Variants in DPF3 observed in about 807,000 individuals in gnomAD.
The protein encoded by DPF3 is double PHD fingers 3.
Under a neutral mutation model 56.8 loss-of-function variants are expected in DPF3, and 18 were observed. The observed-to-expected ratio is 0.32, with a 90% CI of 0.22 to 0.47. DPF3 has a LOEUF of 0.47. DPF3 is among the 20% of genes least tolerant of loss of function. The probability of loss-of-function intolerance (pLI) is 1.00; values close to 1 mark genes in which losing one functional copy is unlikely to be tolerated. For synonymous variants in DPF3, 188 were observed against 180.2 expected (o/e 1.04, Z -0.35); for missense variants, 403 against 488.8 (o/e 0.82, Z 1.65).
intron 7 of DPF3, among the ~76,000 whole-genome samples, chr14:72,690,145 C>T (rs1391892796): frequency 6.6e-6 from 1 of 152,136 alleles, no homozygotes; most frequent in Non-Finnish European, 1.5e-5. Flanking sequence ...GAGAACAAGC[C>T]ACCCATGAAA....
chr14:72,709,452 C>T (rs1332945548), intron 6 of DPF3, among the ~76,000 whole-genome samples: 1 of 152,166 alleles, frequency 6.6e-6, no homozygotes, highest in Non-Finnish European at 1.5e-5. Context: ...CATCCTACTT[C>T]AATTGTAACT....
intron 8 of DPF3, among the ~76,000 whole-genome samples, chr14:72,632,831 G>A (rs1885247203): frequency 8.1e-6 from 1 of 123,854 alleles, no homozygotes; most frequent in African/African-American, 3.0e-5. Flanking sequence ...GGAAGGGGAG[G>A]GGAAAGGGAG....
chr14:72,874,724 C>T (rs1486993357), intron 1 of DPF3, among the ~76,000 whole-genome samples: 1 of 152,192 alleles, frequency 6.6e-6, no homozygotes, highest in African/African-American at 2.4e-5. Flanking sequence ...TTGGGCAAAG[C>T]CATTCAACAA....
intron 2 of DPF3, 112 bp downstream of exon 2, chr14:72,771,621 T>C: frequency 1.5e-6 from 2 of 1,356,208 alleles, no homozygotes; most frequent in South Asian, 3.1e-5. Context: ...ATGTGCAGCT[T>C]GCCCCACCCC....
chr14:72,688,194 GT>G (rs1887502816), intron 7 of DPF3, among the ~76,000 whole-genome samples: 1 of 104,656 alleles, frequency 9.6e-6, no homozygotes, highest in Non-Finnish European at 1.9e-5. Context: ...GGATGGATGG[GT>G]GGGTGGGTGG....
At chr14:72,873,328 A>G (rs1599514806) in intron 1 of DPF3, among the ~76,000 whole-genome samples, 1 of 152,386 alleles carries the variant, frequency 6.6e-6, no homozygotes, top group South Asian at 2.1e-4. Flanking sequence ...AACAATGCTC[A>G]TCATCACTGG....
At chr14:72,785,282 ATGTATTATCCCCATACAACTTGTAAT>A (rs887836035) in intron 1 of DPF3, among the ~76,000 whole-genome samples, 44 of 152,338 alleles carry the variant, frequency 2.9e-4, no homozygotes, top group Non-Finnish European at 3.5e-4. Flanking sequence ...AGCACTTTAC[ATGTATTATCCCCATACAACTTGTAAT>A]TGTATTATTC....
intron 8 of DPF3, chr14:72,661,847 ATTTTTGCTTTTT>A: frequency 1.1e-6 from 1 of 882,540 alleles, no homozygotes; most frequent in African/African-American, 2.9e-5. Flanking sequence ...TGATGCTTTT[ATTTTTGCTTTTT>A]TTTTTTTTTT....
At chr14:72,672,697 G>C (rs761185953) in intron 8 of DPF3, among the ~76,000 whole-genome samples, 2 of 152,142 alleles carry the variant, frequency 1.3e-5, no homozygotes, top group Admixed American at 1.3e-4. Context: ...ACATCCCATG[G>C]CTTCGATTCT....
At chr14:72,787,086 C>T (rs113953993) in intron 1 of DPF3, among the ~76,000 whole-genome samples, 31 of 152,372 alleles carry the variant, frequency 2.0e-4, no homozygotes, top group African/African-American at 6.7e-4. Context: ...CCCTCCTGTG[C>T]CCCTCACTCC....
At chr14:72,814,621 C>A (rs1390132661) in intron 1 of DPF3, among the ~76,000 whole-genome samples, 1 of 152,084 alleles carries the variant, frequency 6.6e-6, no homozygotes, top group Non-Finnish European at 1.5e-5. Context: ...TTGAGACCAG[C>A]CTGGCCAACA....
chr14:72,807,043 C>T (rs1201420369), intron 1 of DPF3, among the ~76,000 whole-genome samples: 1 of 152,178 alleles, frequency 6.6e-6, no homozygotes, highest in Non-Finnish European at 1.5e-5. Context: ...TGCCCTACCC[C>T]GCAGGGTCAG....
At chr14:72,621,279 A>G (rs1884427649) in intron 9 of DPF3, among the ~76,000 whole-genome samples, 1 of 152,132 alleles carries the variant, frequency 6.6e-6, no homozygotes, top group Non-Finnish European at 1.5e-5. Flanking sequence ...TCATCACTGC[A>G]TCCACTGTAG....
At chr14:72,875,425 G>A (rs771710040) in intron 1 of DPF3, among the ~76,000 whole-genome samples, 8 of 152,094 alleles carry the variant, frequency 5.3e-5, no homozygotes, top group Non-Finnish European at 8.8e-5. Flanking sequence ...GATATTGTGT[G>A]CCGACTCTAC....
At chr14:72,693,253 T>G (rs1887773092) in intron 6 of DPF3, 40 bp from the exon 7 acceptor site, 2 of 1,605,450 alleles carry the variant, frequency 1.2e-6, no homozygotes, top group Admixed American at 3.4e-5. Context: ...GATACAAATA[T>G]TAGCAACCTG....
chr14:72,745,856 T>A (rs1890302440), intron 3 of DPF3, among the ~76,000 whole-genome samples: 1 of 152,218 alleles, frequency 6.6e-6, no homozygotes, highest in African/African-American at 2.4e-5. Context: ...GATAGTTATT[T>A]TAAAATACTG....
At chr14:72,715,078 C>G (rs1035119546) in intron 5 of DPF3, among the ~76,000 whole-genome samples, 2 of 151,988 alleles carry the variant, frequency 1.3e-5, no homozygotes, top group African/African-American at 4.8e-5. Context: ...AGTGTAGCTA[C>G]AGGGGAGCTC....
At chr14:72,635,495 T>G (rs1161130808) in intron 8 of DPF3, among the ~76,000 whole-genome samples, 5 of 152,218 alleles carry the variant, frequency 3.3e-5, no homozygotes, top group Non-Finnish European at 5.9e-5. Flanking sequence ...CAGGCAAAAC[T>G]AGTGTTAGTT....
chr14:72,705,841 G>A (rs1249124110), intron 6 of DPF3, among the ~76,000 whole-genome samples: 2 of 152,206 alleles, frequency 1.3e-5, no homozygotes, highest in Non-Finnish European at 2.9e-5. Flanking sequence ...CACAATGTGG[G>A]AGGCAGCCTA....
Sources: gnomAD v4.1 joint callset for allele counts (sites outside exome capture counted in the v4.1 genomes callset) on GRCh38, gnomAD v4.1.1 for gene constraint, MANE v1.5 for transcripts, NCBI Gene and HGNC (gene_info 2026-07-23, HGNC 2026-07-21) for gene names.